The following CCDC57 variants were observed in gnomAD, a reference collection of about 807,000 sequenced individuals.
The protein encoded by CCDC57 is coiled-coil domain-containing protein 57.
CCDC57 carries 118 observed loss-of-function variants against 118.9 expected under a neutral mutation model. That is an observed-to-expected ratio of 0.99 (90% confidence interval 0.86 to 1.16). The LOEUF is 1.16. CCDC57 is among the 50% of genes most tolerant of loss of function. The probability of loss-of-function intolerance (pLI) is 0.00; values close to 1 mark genes in which losing one functional copy is unlikely to be tolerated. For missense variants in CCDC57, 1,300 were observed against 1,320.7 expected (o/e 0.98, Z 0.24); for synonymous variants, 527 against 532.9 (o/e 0.99, Z 0.15).
At chr17:82,178,974 C>G in intron 10 of CCDC57, 53 bp downstream of exon 9, 1 of 1,581,774 alleles carries the variant, frequency 6.3e-7, no homozygotes, top group Non-Finnish European at 8.6e-7. Flanking sequence ...CCTGCCCAGC[C>G]CCACCTCTGC....
At chr17:82,103,624 G>C (rs28485821) in intron 19 of CCDC57, among the ~76,000 whole-genome samples, 34,424 of 152,210 alleles carry the variant, frequency 0.23, 4,100 homozygotes, top group African/African-American at 0.29. Flanking sequence ...TTGTCCCTCT[G>C]TAATGCTCAG....
At chr17:82,124,598 G>C (rs1397120718) in intron 19 of CCDC57, among the ~76,000 whole-genome samples, 1 of 152,024 alleles carries the variant, frequency 6.6e-6, no homozygotes, top group Non-Finnish European at 1.5e-5. Context: ...TTCGAGACCA[G>C]CCTGGGCAAC....
At position 82,118,537 on chromosome 17, in the gene CCDC57, C is replaced by T. The variant is rs1221864217; in HGVS notation, c.2899+9155G>A. Among the ~76,000 whole-genome samples, 1 of 152,078 alleles carries T rather than the reference C, an allele frequency of 6.6e-6. No individual in the cohort carries two copies. Among genetic ancestry groups the T allele is most frequent in the Non-Finnish European group, 1.5e-5 (1 of 68,028 alleles). ...ACTGTTGGGTGGCTGGTCCCTGTAC[C>T]GGCTCCTGAAAGGACATTTGGGCAC... On this transcript the variant is annotated intron_variant, in intron 19 of 19. Transcript: ENST00000665763. This position sits in a 1 kb window ranked among gnomAD's most constrained non-coding sequence, Gnocchi z 4.7.
At chr17:82,136,435 A>G (rs1419003823) in intron 16 of CCDC57, among the ~76,000 whole-genome samples, 2 of 152,154 alleles carry the variant, frequency 1.3e-5, no homozygotes, top group South Asian at 2.1e-4. Context: ...GCAACTGCGA[A>G]TGAGTGTGGG....
chr17:82,122,620 T>C (rs1024874090), intron 19 of CCDC57, among the ~76,000 whole-genome samples: 1 of 151,392 alleles, frequency 6.6e-6, no homozygotes, highest in Non-Finnish European at 1.5e-5. Context: ...CCCAGGAGCC[T>C]CCTGTCTCCC....
At chr17:82,139,710 T>C (rs772700158) in intron 16 of CCDC57, among the ~76,000 whole-genome samples, 4 of 123,864 alleles carry the variant, frequency 3.2e-5, no homozygotes, top group Non-Finnish European at 6.9e-5. Context: ...AGAGTGCTTC[T>C]TCATCTTGAA....
intron 14 of CCDC57, among the ~76,000 whole-genome samples, chr17:82,162,323 A>G (rs1218090393): frequency 2.6e-5 from 4 of 152,128 alleles, no homozygotes; most frequent in African/African-American, 9.7e-5. Context: ...TTTTTAAAGT[A>G]AAAGCCAAAA....
chr17:82,180,795 C>T (rs1370710860), intron 9 of CCDC57, among the ~76,000 whole-genome samples: 2 of 152,224 alleles, frequency 1.3e-5, no homozygotes, highest in African/African-American at 4.8e-5. Context: ...ATTTTTAAAT[C>T]CCTGTAACTG....
intron 19 of CCDC57, chr17:82,127,268 G>T (rs34673303): frequency 4.1e-6 from 4 of 984,942 alleles, no homozygotes; most frequent in Non-Finnish European, 4.8e-6. Context: ...CTCTTCCCCG[G>T]GAGCATCGCT....
At position 82,167,414 on chromosome 17, in the gene CCDC57, G is replaced by A. The variant is rs575256459; in HGVS notation, c.1883-4057C>T. 5.5e-4 allele frequency among the ~76,000 whole-genome samples: 83 copies of A among 150,342 alleles called. 1 individual carries two copies. In the South Asian group the frequency reaches 0.011, roughly 20 times the overall value. On this transcript the variant is annotated intron_variant, in intron 13 of 19. Transcript: ENST00000665763. ...AGCCCAGGCTGGAGTGCAGTGGCGC[G>A]ATGTCGGCTCACTGCAACCTCCACC...
intron 15 of CCDC57, chr17:82,152,035 CCCT>C (rs2042126509): frequency 2.0e-6 from 1 of 495,732 alleles, no homozygotes; most frequent in Non-Finnish European, 3.6e-6. Flanking sequence ...GCCCTCACAG[CCCT>C]CCGCCTCCTC....
exon 20 of CCDC57, chr17:82,101,690 T>C (rs1180448139): frequency 6.2e-7 from 1 of 1,605,020 alleles, no homozygotes. Context: ...AGTCAGTCCA[T>C]AATGTTGTAG....
intron 19 of CCDC57, among the ~76,000 whole-genome samples, chr17:82,117,530 T>G (rs11870632): frequency 6.6e-6 from 1 of 151,794 alleles, no homozygotes. Context: ...CCCAGCTACT[T>G]GGAATGCTGA....
intron 19 of CCDC57, among the ~76,000 whole-genome samples, chr17:82,109,256 G>A (rs564380828): frequency 6.6e-6 from 1 of 152,372 alleles, no homozygotes; most frequent in Admixed American, 6.5e-5. Flanking sequence ...CTCCAGGGCT[G>A]GGGTGGCGCA....
chr17:82,103,606 G>A (rs370993183), intron 19 of CCDC57, among the ~76,000 whole-genome samples: 33 of 152,368 alleles, frequency 2.2e-4, no homozygotes, highest in Admixed American at 9.1e-4. Context: ...CAAACCCAGA[G>A]GCCTTGGTTG....
At chr17:82,123,122 C>CT (rs34869339) in intron 19 of CCDC57, among the ~76,000 whole-genome samples, 26,793 of 105,686 alleles carry the variant, frequency 0.25, 5,120 homozygotes, top group Non-Finnish European at 0.33. Context: ...CTCCTAATAA[C>CT]TTTTTTTTTT....
intron 16 of CCDC57, among the ~76,000 whole-genome samples, chr17:82,151,356 C>A (rs1363817678): frequency 6.8e-6 from 1 of 147,188 alleles, no homozygotes; most frequent in Non-Finnish European, 1.5e-5. Context: ...CACCCAGAAC[C>A]TGGCACACAC....
chr17:82,104,023 CCAGTCCTAGGT>C lies in CCDC57; in HGVS notation c.2900-2168_2900-2158del, dbSNP rs1177563255. On this transcript the variant is annotated intron_variant, in intron 19 of 19. Transcript: ENST00000665763. ...AGGGCAGCGGACAGCCCCAGCCCAG[CCAGTCCTAGGT>C]CAGAGGCACGGAGCTGGATGTGTCA... Among the ~76,000 whole-genome samples the C allele has an allele frequency of 7.2e-5, 11 of 152,362 alleles. No homozygotes were observed. In the East Asian group the frequency reaches 2.1e-3, roughly 29 times the overall value.
At chr17:82,115,353 G>A (rs2035746366) in intron 19 of CCDC57, among the ~76,000 whole-genome samples, 1 of 152,040 alleles carries the variant, frequency 6.6e-6, no homozygotes, top group Non-Finnish European at 1.5e-5. Context: ...ATCTTTAGAT[G>A]AGAAAAGCCT....
Sources: gnomAD v4.1 joint callset for allele counts (sites outside exome capture counted in the v4.1 genomes callset) on GRCh38, gnomAD v4.1.1 for gene constraint, Gnocchi (gnomAD v3.1) non-coding constraint, MANE v1.5 for transcripts, NCBI Gene and HGNC (gene_info 2026-07-23, HGNC 2026-07-21) for gene names.